The following SHC4 variants were observed in gnomAD, a reference collection of about 807,000 sequenced individuals.
SHC4 encodes SHC adaptor protein 4, also known as SHC-transforming protein 4.
In SHC4, 41 loss-of-function variants were observed where a neutral mutation model predicts 69.4. The ratio of observed to expected loss-of-function variants is 0.59; its 90% CI spans 0.46 to 0.77. The LOEUF (loss-of-function observed/expected upper bound fraction) is 0.77, where lower values mean the gene tolerates loss of function less well. Ranked by LOEUF, SHC4 falls within the 30% of genes least tolerant of loss-of-function variation. The pLI is 0.00. For synonymous variants in SHC4, 318 were observed against 299.3 expected, an observed-to-expected ratio of 1.06 and a Z score of -0.64; for missense variants, 777 against 783.8, an observed-to-expected ratio of 0.99 and a Z score of 0.10.
intron 3 of SHC4, among the ~76,000 whole-genome samples, chr15:48,886,916 G>A (rs1470167750): frequency 6.6e-6 from 1 of 152,174 alleles, no homozygotes; most frequent in Non-Finnish European, 1.5e-5. Context: ...CTAAAGAGTG[G>A]AGGCAGGCCT....
chr15:48,839,544 A>G (rs1898956001), intron 10 of SHC4, among the ~76,000 whole-genome samples: 1 of 152,198 alleles, frequency 6.6e-6, no homozygotes, highest in Non-Finnish European at 1.5e-5. Context: ...TGCTTTCTCC[A>G]CTTCCAGCTC....
intron 11 of SHC4, among the ~76,000 whole-genome samples, chr15:48,832,265 G>A (rs917748893): frequency 6.6e-6 from 1 of 152,098 alleles, no homozygotes; most frequent in Non-Finnish European, 1.5e-5. Flanking sequence ...AGAGTGAAAC[G>A]TGGTCTCAAA....
chr15:48,899,561 G>T (rs1287394784), intron 2 of SHC4, among the ~76,000 whole-genome samples: 2 of 151,716 alleles, frequency 1.3e-5, no homozygotes, highest in Non-Finnish European at 2.9e-5. Flanking sequence ...TTGGTGTAAT[G>T]AATATATTAC....
chr15:48,845,440 G>C (rs1009794155), intron 9 of SHC4, among the ~76,000 whole-genome samples: 4 of 152,180 alleles, frequency 2.6e-5, no homozygotes, highest in African/African-American at 9.6e-5. Context: ...TGCCTCATCT[G>C]TTTTGTACAT....
chr15:48,950,253 A>G (rs1348970649), intron 1 of SHC4, among the ~76,000 whole-genome samples: 1 of 146,850 alleles, frequency 6.8e-6, no homozygotes, highest in Admixed American at 6.9e-5. Context: ...AATTTCATAT[A>G]TATTTTAGAT....
In SHC4 at chr15:48,963,173, C is replaced by T; in HGVS notation, c.-158G>A. ...GCTCGCCCACCTCGGCTCCCGGCCC[C>T]TTAAGGGTGACAGCCCATGGGGGAA... On this transcript the variant is annotated 5_prime_UTR_variant, in exon 1 of 12. Coordinates refer to ENST00000332408, the MANE Select transcript of SHC4 (RefSeq NM_203349.4). The T allele has an allele frequency of 5.5e-6, 4 of 724,648 alleles. No individual in the cohort carries two copies. Among genetic ancestry groups the T allele is most frequent in the Non-Finnish European group, 8.8e-6 (4 of 453,480 alleles). 44.9% of individuals were successfully genotyped at this position (724,648 alleles called of 1,614,324 possible). A position where few individuals can be genotyped will look rare whatever the true frequency, so the allele number is the denominator to read the frequency against.
chr15:48,955,016 T>C lies in SHC4; in HGVS notation c.585+7415A>G, dbSNP rs142598826. ...AAATGGGAACAGCCTGTACTAATCC[T>C]AGAGTTCTACCACCCTTAAAAACTC... On this transcript the variant is annotated intron_variant, in intron 1 of 11. Coordinates refer to ENST00000332408, the MANE Select transcript of SHC4 (RefSeq NM_203349.4). Among the ~76,000 whole-genome samples the C allele has an allele frequency of 1.4e-4, 21 of 152,310 alleles. No individual in the cohort carries two copies. In the East Asian group the frequency reaches 3.9e-3, roughly 28 times the overall value.
rs541529134 is a variant in SHC4 at position 48,874,258 on chromosome 15, T to C, written c.841-2116A>G. 1.2e-4 allele frequency among the ~76,000 whole-genome samples: 18 copies of C among 152,222 alleles called. No individual in the cohort carries two copies. In the South Asian group the frequency reaches 3.3e-3, roughly 28 times the overall value. On this transcript the variant is annotated intron_variant, in intron 4 of 11. Coordinates refer to ENST00000332408, the MANE Select transcript of SHC4 (RefSeq NM_203349.4). The stretch of plus-strand genomic sequence containing the variant: ...AATTCAAAGTCTAAAAATAGACTCA[T>C]GTATTTAAGAACTTTTAGTCTATGA...
chr15:48,946,710 C>A (rs1308548702), intron 1 of SHC4: 2 of 425,256 alleles, frequency 4.7e-6, no homozygotes, highest in Non-Finnish European at 6.3e-6. Flanking sequence ...AACATTCTCT[C>A]CCCAGAACAT....
At chr15:48,880,568 G>C (rs925839715) in intron 4 of SHC4, among the ~76,000 whole-genome samples, 10 of 151,576 alleles carry the variant, frequency 6.6e-5, no homozygotes, top group Non-Finnish European at 1.3e-4. Context: ...AAACTAGAAG[G>C]TTGTGATTCT....
Position 48,854,811 on chromosome 15 carries a change from C to T in SHC4, c.1242+1142G>A, listed in dbSNP as rs151091722. Among the ~76,000 whole-genome samples the T allele has an allele frequency of 4.7e-3, 708 of 152,202 alleles. 5 individuals are homozygous for T. Among genetic ancestry groups the T allele is most frequent in the African/African-American group, 0.016 (683 of 41,508 alleles). On this transcript the variant is annotated intron_variant, in intron 8 of 11. Coordinates refer to ENST00000332408, the MANE Select transcript of SHC4 (RefSeq NM_203349.4). Reference sequence around the variant, plus strand: ...AGATGGCAACAATTGACACTGGCGACCACTAAAAGGAGGAGGGAAAGAGGG... The same window carrying T: ...AGATGGCAACAATTGACACTGGCGATCACTAAAAGGAGGAGGGAAAGAGGG...
rs1459155595 is a variant in SHC4, at chr15:48,834,885, C to T, written c.1621G>A (p.Val541Ile). The change falls in exon 11 of 12, where the codon GTA becomes ATA. Residue 541 changes from valine (V) to isoleucine (I), a missense_variant. Transcript: ENST00000332408. ...CGAACCAAAAAGTCCCCATCCTTTACCAAGAGGCTCTCTGCCGCCTTCCTG... is the reference window on the plus strand; with the variant it reads ...CGAACCAAAAAGTCCCCATCCTTTATCAAGAGGCTCTCTGCCGCCTTCCTG... ...LSRKAAESLL[V>I]KDGDFLVRES... The T allele has an allele frequency of 7.4e-6, 12 of 1,614,074 alleles. No individual in the cohort carries two copies. The highest frequency in any genetic ancestry group is 3.3e-5 in the South Asian group (3 of 91,090).
intron 2 of SHC4, among the ~76,000 whole-genome samples, chr15:48,907,644 G>C (rs1347330350): frequency 1.3e-5 from 2 of 151,672 alleles, no homozygotes; most frequent in Admixed American, 6.6e-5. Flanking sequence ...CCACTTATCA[G>C]TGAGAACATA....
intron 9 of SHC4, among the ~76,000 whole-genome samples, chr15:48,845,049 A>G (rs1340241576): frequency 1.3e-5 from 2 of 152,250 alleles, no homozygotes; most frequent in Admixed American, 1.3e-4. Flanking sequence ...GTTAAACAGA[A>G]TATGTGCTAG....
At chr15:48,827,848 C>T (rs1898717713) in intron 11 of SHC4, among the ~76,000 whole-genome samples, 1 of 152,108 alleles carries the variant, frequency 6.6e-6, no homozygotes, top group African/African-American at 2.4e-5. Flanking sequence ...AATCTGGTCC[C>T]ACTGGGCCTC....
At chr15:48,938,622 C>T (rs183908691) in intron 1 of SHC4, among the ~76,000 whole-genome samples, 58 of 152,294 alleles carry the variant, frequency 3.8e-4, no homozygotes, top group African/African-American at 1.4e-3. Context: ...GTCACATGTC[C>T]TTTCTCTTGC....
At chr15:48,907,463 G>A (rs1257308855) in intron 2 of SHC4, among the ~76,000 whole-genome samples, 1 of 151,680 alleles carries the variant, frequency 6.6e-6, no homozygotes, top group African/African-American at 2.4e-5. Flanking sequence ...TTGGTTACAC[G>A]AGTAAGGTCT....
intron 1 of SHC4, among the ~76,000 whole-genome samples, chr15:48,934,375 C>T (rs1308188192): frequency 6.6e-6 from 1 of 152,052 alleles, no homozygotes; most frequent in African/African-American, 2.4e-5. Flanking sequence ...CAAATCAAAG[C>T]CACAGTGAGG....
intron 2 of SHC4, among the ~76,000 whole-genome samples, chr15:48,897,152 G>C (rs2141009574): frequency 6.6e-6 from 1 of 152,174 alleles, no homozygotes; most frequent in South Asian, 2.1e-4. Flanking sequence ...AGAAATTTTG[G>C]GGTTTCAGTG....
Sources: gnomAD v4.1 joint callset for allele counts (sites outside exome capture counted in the v4.1 genomes callset) on GRCh38, gnomAD v4.1.1 for gene constraint, MANE v1.5 for transcripts, NCBI Gene and HGNC (gene_info 2026-07-23, HGNC 2026-07-21) for gene names.